Variants in FAM47E observed in about 807,000 individuals in gnomAD.
The protein encoded by FAM47E is protein FAM47E.
Under a neutral mutation model 41.6 loss-of-function variants are expected in FAM47E, and 32 were observed. That is an observed-to-expected ratio of 0.77 (90% CI 0.58 to 1.03). The LOEUF is 1.03. Ranked by LOEUF, FAM47E falls within the 50% of genes least tolerant of loss-of-function variation. The pLI is 0.00. For synonymous variants in FAM47E, 184 were observed against 188.7 expected, an observed-to-expected ratio of 0.98 and a Z score of 0.20; for missense variants, 424 against 485.4, an observed-to-expected ratio of 0.87 and a Z score of 1.19.
intron 2 of FAM47E, among the ~76,000 whole-genome samples, chr4:76,228,405 G>A (rs1733436478): frequency 6.6e-6 from 1 of 151,772 alleles, no homozygotes; most frequent in Non-Finnish European, 1.5e-5. Context: ...CTTGAACCCG[G>A]AAGGTGAAGG....
In FAM47E at chr4:76,239,585, G is replaced by T. The variant is rs572143995; in HGVS notation, c.81+21897G>T. On this transcript the variant is annotated intron_variant, in intron 2 of 7. Coordinates refer to the FAM47E transcript ENST00000510197. ...TCATTTTTAAATCATGTTGTTTTTT[G>T]TTGTTGTTGAGTTTTAGGAGTTTTC... 2.0e-5 allele frequency among the ~76,000 whole-genome samples: 3 copies of T among 152,026 alleles called. No homozygotes were observed. In the East Asian group the frequency reaches 5.8e-4, roughly 29 times the overall value.
intron 2 of FAM47E, among the ~76,000 whole-genome samples, chr4:76,260,901 A>G (rs1734383677): frequency 6.6e-6 from 1 of 152,094 alleles, no homozygotes; most frequent in African/African-American, 2.4e-5. Context: ...AGGCAAAGCC[A>G]TGAAGTCTCC....
At chr4:76,240,793 T>C (rs1047420687) in intron 2 of FAM47E, among the ~76,000 whole-genome samples, 3 of 152,208 alleles carry the variant, frequency 2.0e-5, no homozygotes, top group South Asian at 4.1e-4. Flanking sequence ...ATTTCCATTA[T>C]GTTCATACAT....
chr4:76,257,783 T>C (rs368776957), intron 2 of FAM47E, among the ~76,000 whole-genome samples: 4 of 152,032 alleles, frequency 2.6e-5, no homozygotes, highest in South Asian at 2.1e-4. Context: ...ATCTACTCCT[T>C]ACTGTGCCCT....
rs559986175 is a variant in FAM47E, at chr4:76,251,834, G to T, written c.74+14G>T. ...CTGCAGGTCCAGGTAAACACTCAGCGCCCGGGCCGAGGGCGCATCCCACGC... is the reference window on the plus strand; with the variant it reads ...CTGCAGGTCCAGGTAAACACTCAGCTCCCGGGCCGAGGGCGCATCCCACGC... On this transcript the variant is annotated intron_variant, in intron 1 of 7. Transcript: ENST00000424749. 4 of 1,433,342 alleles carry T rather than the reference G, an allele frequency of 2.8e-6. No homozygotes were observed. Among genetic ancestry groups the T allele is most frequent in the African/African-American group, 1.5e-5 (1 of 66,724 alleles). 88.8% of individuals were successfully genotyped at this position (1,433,342 alleles called of 1,614,324 possible).
rs1292310453 is a variant in FAM47E, at chr4:76,278,108, G to A, written c.910G>A (p.Ala304Thr). Residue 304 changes from alanine to threonine, a missense_variant, in exon 6 of 8, where the codon GCA becomes ACA. Transcript: ENST00000424749. ...AAAGTGGGTGAAGATGAGGTATGGA[G>A]CATGGTATTTGAACCCCAAGTTGTG... ...KPKWVKMRYG[A>T]WYLNPKLWKK... is the part of the protein sequence containing the mutation. 1 of 1,549,920 alleles carries A rather than the reference G, an allele frequency of 6.5e-7. No individual in the cohort carries two copies. The highest frequency in any genetic ancestry group is 1.2e-5 in the South Asian group (1 of 83,724).
chr4:76,265,660 G>A (rs115322511), intron 3 of FAM47E, among the ~76,000 whole-genome samples: 1,755 of 152,142 alleles, frequency 0.012, 27 homozygotes, highest in African/African-American at 0.04. Flanking sequence ...CTAATGAGGT[G>A]CTCAGGTTGA....
At chr4:76,232,862 A>G (rs978341410) in intron 2 of FAM47E, among the ~76,000 whole-genome samples, 1 of 152,212 alleles carries the variant, frequency 6.6e-6, no homozygotes, top group African/African-American at 2.4e-5. Context: ...ATTACTATAA[A>G]CAATTTTGCC....
chr4:76,260,963 C>A (rs1177760372), intron 2 of FAM47E, among the ~76,000 whole-genome samples: 4 of 150,520 alleles, frequency 2.7e-5, no homozygotes, highest in Non-Finnish European at 4.4e-5. Flanking sequence ...ACCTGGGTGA[C>A]AGAGTGTGAG....
intron 1 of FAM47E, chr4:76,217,491 GA>G (rs1733228315): frequency 7.3e-6 from 3 of 409,224 alleles, no homozygotes; most frequent in Non-Finnish European, 1.3e-5. Context: ...GCGGGTTGTT[GA>G]AAAGAGCTGG....
chr4:76,240,314 G>A (rs775461504), intron 2 of FAM47E, among the ~76,000 whole-genome samples: 29 of 152,174 alleles, frequency 1.9e-4, no homozygotes, highest in African/African-American at 2.9e-4. Context: ...TCTCTCTTGC[G>A]GCTTTCAAAA....
rs1402648125 is a variant in FAM47E, at chr4:76,281,986, A to G, written c.1105-1395A>G. On this transcript the variant is annotated intron_variant, in intron 7 of 7. Transcript: ENST00000424749. ...GTAGGTTAGTGAGAGATTTAGGGTCATTTGATTGTGAGATGAGATGGTCAC... is the reference window on the plus strand; with the variant it reads ...GTAGGTTAGTGAGAGATTTAGGGTCGTTTGATTGTGAGATGAGATGGTCAC... 3.0e-4 allele frequency: 46 copies of G among 152,238 alleles called. 1 individual carries two copies. The highest frequency in any genetic ancestry group is 2.9e-5 in the Non-Finnish European group (2 of 68,026). 9.4% of individuals were successfully genotyped at this position (152,238 alleles called of 1,614,324 possible).
In FAM47E at chr4:76,268,618, A is replaced by G. The variant is rs1036338984; in HGVS notation, c.561-42A>G. Reference sequence around the variant, plus strand: ...AACTGTTTGAAATCCATTTGGATTCATTGTGTCTCATATTGTAATTCTTTA... The same window carrying G: ...AACTGTTTGAAATCCATTTGGATTCGTTGTGTCTCATATTGTAATTCTTTA... On this transcript the variant is annotated intron_variant, in intron 3 of 7. Transcript: ENST00000424749. 1.8e-5 allele frequency: 28 copies of G among 1,534,352 alleles called. No homozygotes were observed. The Admixed American group carries it at 4.5e-4, about 24-fold the overall frequency.
chr4:76,256,594 G>A (rs1401853664), intron 2 of FAM47E, 71 bp downstream of exon 2: 1 of 1,451,376 alleles, frequency 6.9e-7, no homozygotes, highest in Non-Finnish European at 9.2e-7. Context: ...AAATGTCTAG[G>A]AAGTCCCCAT....
chr4:76,234,037 G>A (rs1560731644), intron 2 of FAM47E, among the ~76,000 whole-genome samples: 1 of 152,228 alleles, frequency 6.6e-6, no homozygotes, highest in Non-Finnish European at 1.5e-5. Context: ...CTGCGGGTCA[G>A]AGATGGCCTT....
At chr4:76,226,754 T>A (rs895755874) in intron 2 of FAM47E, among the ~76,000 whole-genome samples, 2 of 152,156 alleles carry the variant, frequency 1.3e-5, no homozygotes, top group African/African-American at 4.8e-5. Flanking sequence ...TAATCAGGAG[T>A]GTTGTATATT....
At chr4:76,241,338 G>A (rs1239892766) in intron 2 of FAM47E, among the ~76,000 whole-genome samples, 7 of 152,332 alleles carry the variant, frequency 4.6e-5, no homozygotes, top group Non-Finnish European at 2.9e-5. Context: ...GCTTCAGCCA[G>A]AGGAGGTGGA....
At chr4:76,214,215 A>ACCGGTGGGGG (rs1000966705) in exon 1 of FAM47E, 2 of 454,400 alleles carry the variant, frequency 4.4e-6, no homozygotes, top group Middle Eastern at 6.4e-4. Context: ...TAGCGGGGAC[A>ACCGGTGGGGG]CCGTTACCGC....
chr4:76,274,984 G>A (rs997340885), intron 5 of FAM47E, among the ~76,000 whole-genome samples: 3 of 152,214 alleles, frequency 2.0e-5, no homozygotes, highest in Admixed American at 6.5e-5. Context: ...TAGGGCAGTC[G>A]TGAGGCTTAT....
Sources: gnomAD v4.1 joint callset for allele counts (sites outside exome capture counted in the v4.1 genomes callset) on GRCh38, gnomAD v4.1.1 for gene constraint, MANE v1.5 for transcripts, NCBI Gene and HGNC (gene_info 2026-07-23, HGNC 2026-07-21) for gene names.